PDE1A: variants seen among roughly 807,000 people sequenced by gnomAD.
PDE1A encodes the protein dual specificity calcium/calmodulin-dependent 3',5'-cyclic nucleotide phosphodiesterase 1A.
In PDE1A, 35 loss-of-function variants were observed where a neutral mutation model predicts 61.7. The observed-to-expected ratio is 0.57, with a 90% CI of 0.43 to 0.75. The LOEUF (loss-of-function observed/expected upper bound fraction) is 0.75. Among genes scored for constraint, PDE1A ranks in the 30% least tolerant of loss-of-function variants. The pLI, the probability that PDE1A is intolerant of heterozygous loss-of-function variation, is 0.00. For missense variants in PDE1A, 597 were observed against 630.6 expected, an observed-to-expected ratio of 0.95 and a Z score of 0.57; for synonymous variants, 232 against 213.2, an observed-to-expected ratio of 1.09 and a Z score of -0.77.
At chr2:182,547,255 G>A in the PDE1A span, among the ~76,000 whole-genome samples, 73 of 152,080 alleles carry the variant, frequency 4.8e-4, no homozygotes, top group Non-Finnish European at 7.1e-4. Context: ...TGTTCTAAAC[G>A]ATCAGCCTAC....
chr2:182,701,109 A>G, the PDE1A span, among the ~76,000 whole-genome samples: 1 of 152,000 alleles, frequency 6.6e-6, no homozygotes, highest in African/African-American at 2.4e-5. Context: ...ATCTCAGCTC[A>G]CTGCAAGCTA....
At chr2:182,696,395 T>C in the PDE1A span, among the ~76,000 whole-genome samples, 1 of 152,130 alleles carries the variant, frequency 6.6e-6, no homozygotes, top group Non-Finnish European at 1.5e-5. Context: ...TCCAACTACA[T>C]GACGTTCTGA....
intron 1 of PDE1A, among the ~76,000 whole-genome samples, chr2:182,312,021 G>GTGA (rs1422352561): frequency 6.6e-6 from 1 of 152,076 alleles, no homozygotes; most frequent in Non-Finnish European, 1.5e-5. Context: ...CATTTCCCTA[G>GTGA]TGATGAATGC....
At chr2:182,341,776 A>C (rs1698201642) in intron 1 of PDE1A, among the ~76,000 whole-genome samples, 1 of 151,892 alleles carries the variant, frequency 6.6e-6, no homozygotes, top group South Asian at 2.1e-4. Context: ...TCTTTTTTTG[A>C]GATAGGGTCT....
At chr2:182,456,065 C>A (rs1228346640) in intron 2 of PDE1A, among the ~76,000 whole-genome samples, 1 of 152,064 alleles carries the variant, frequency 6.6e-6, no homozygotes, top group Non-Finnish European at 1.5e-5. Context: ...TAATTCATAT[C>A]TTTGAAACCA....
intron 1 of PDE1A, among the ~76,000 whole-genome samples, chr2:182,295,543 A>G (rs894672689): frequency 6.6e-6 from 1 of 152,166 alleles, no homozygotes; most frequent in Non-Finnish European, 1.5e-5. Flanking sequence ...GTTTTACAGC[A>G]TGCCAATTTC....
At chr2:182,525,193 T>C (rs1314198761), upstream of PDE1A, among the ~76,000 whole-genome samples, 1 of 152,158 alleles carries the variant, frequency 6.6e-6, no homozygotes, top group Non-Finnish European at 1.5e-5. Flanking sequence ...CACATAATAA[T>C]TGCTTAATAA....
intron 1 of PDE1A, among the ~76,000 whole-genome samples, chr2:182,376,435 C>G (rs1427327536): frequency 6.6e-6 from 1 of 152,188 alleles, no homozygotes; most frequent in South Asian, 2.1e-4. Flanking sequence ...ATAAGAGTCA[C>G]CTTTGCTCCA....
the PDE1A span, among the ~76,000 whole-genome samples, chr2:182,580,221 T>G: frequency 6.6e-6 from 1 of 152,176 alleles, no homozygotes; most frequent in Non-Finnish European, 1.5e-5. Flanking sequence ...GACCTTATAT[T>G]AATTAATAGT....
rs114888115 is a variant in PDE1A at position 182,379,611 on chromosome 2, A to C, written c.53+46967T>G. ...ATGACTAAATATTCCTGTAAAGGTA[A>C]ATTAGAACAAAATGTATAGTAATAT... On this transcript the variant is annotated intron_variant, in intron 1 of 13. Transcript: ENST00000351439. Among the ~76,000 whole-genome samples, 511 of 152,376 alleles carry C rather than the reference A, an allele frequency of 3.4e-3. 5 individuals carry two copies. Among genetic ancestry groups the C allele is most frequent in the African/African-American group, 0.012 (491 of 41,580 alleles).
exon 8 of PDE1A, chr2:182,206,001 A>C (rs1244189789): frequency 1.9e-6 from 3 of 1,611,998 alleles, no homozygotes. Flanking sequence ...ATAAGTCGAT[A>C]AGCTGCACTC....
chr2:182,175,584 G>T (rs1388716678), intron 13 of PDE1A, among the ~76,000 whole-genome samples: 2 of 110,710 alleles, frequency 1.8e-5, no homozygotes, highest in African/African-American at 7.0e-5. Flanking sequence ...CTGGATATTA[G>T]CCCTTTGTCA....
the PDE1A span, among the ~76,000 whole-genome samples, chr2:182,556,731 C>T: frequency 4.6e-5 from 7 of 152,104 alleles, no homozygotes; most frequent in Admixed American, 1.3e-4. Flanking sequence ...CTTCAGAAGC[C>T]ATAACTAGAA....
intron 2 of PDE1A, among the ~76,000 whole-genome samples, chr2:182,246,394 CTTT>C (rs772600912): frequency 8.5e-5 from 9 of 105,382 alleles, no homozygotes; most frequent in Admixed American, 2.2e-4. Flanking sequence ...AGTCTTTTTT[CTTT>C]TTTCTTTCTT....
intron 10 of PDE1A, among the ~76,000 whole-genome samples, chr2:182,191,528 G>GTGCAAAT (rs1284888422): frequency 2.0e-5 from 3 of 152,048 alleles, no homozygotes; most frequent in South Asian, 4.2e-4. Context: ...TATTTGTTAG[G>GTGCAAAT]TTGGTGCAAA....
exon 8 of PDE1A, chr2:182,205,998 G>T: frequency 6.2e-7 from 1 of 1,610,950 alleles, no homozygotes; most frequent in Non-Finnish European, 8.5e-7. Flanking sequence ...TGCATAAGTC[G>T]ATAAGCTGCA....
At chr2:182,303,400 TG>T (rs1333463348) in intron 1 of PDE1A, among the ~76,000 whole-genome samples, 1 of 152,220 alleles carries the variant, frequency 6.6e-6, no homozygotes, top group African/African-American at 2.4e-5. Context: ...CAATGAGTAG[TG>T]ACATTTGAAA....
intron 7 of PDE1A, among the ~76,000 whole-genome samples, chr2:182,218,970 T>G (rs894401856): frequency 3.3e-5 from 5 of 152,262 alleles, no homozygotes; most frequent in Admixed American, 6.5e-5. Flanking sequence ...AGTCAGTGAA[T>G]GAACAAACCC....
At chr2:182,208,035 T>C (rs892174024) in intron 7 of PDE1A, among the ~76,000 whole-genome samples, 1 of 152,208 alleles carries the variant, frequency 6.6e-6, no homozygotes, top group African/African-American at 2.4e-5. Flanking sequence ...TGCCTGAATA[T>C]CCAGGAAGAA....
Sources: allele counts gnomAD v4.1 joint callset (sites outside exome capture counted in the v4.1 genomes callset), GRCh38; gene constraint gnomAD v4.1.1; transcripts MANE v1.5; gene names NCBI Gene and HGNC (gene_info 2026-07-23, HGNC 2026-07-21).